KCTD16: variants seen among roughly 807,000 people sequenced by gnomAD.
KCTD16 encodes the protein potassium channel tetramerization domain containing 16.
Under a neutral mutation model 33.2 loss-of-function variants are expected in KCTD16, and 13 were observed. That is an observed-to-expected ratio of 0.39 (90% CI 0.25 to 0.62). The LOEUF (loss-of-function observed/expected upper bound fraction) is 0.62, where lower values mean the gene tolerates loss of function less well. Ranked by LOEUF, KCTD16 falls within the 20% of genes least tolerant of loss-of-function variation. The probability of loss-of-function intolerance (pLI) is 0.50; values close to 1 mark genes in which losing one functional copy is unlikely to be tolerated. For synonymous variants in KCTD16, 197 were observed against 195.3 expected, an observed-to-expected ratio of 1.01 and a Z score of -0.07; for missense variants, 441 against 525.1, an observed-to-expected ratio of 0.84 and a Z score of 1.57.
At chr5:144,193,975 CAG>C (rs1413050242) in intron 2 of KCTD16, among the ~76,000 whole-genome samples, 3 of 151,966 alleles carry the variant, frequency 2.0e-5, no homozygotes, top group Admixed American at 2.0e-4. Flanking sequence ...GAGTGGAAAA[CAG>C]ATATTTAGCT....
intron 3 of KCTD16, among the ~76,000 whole-genome samples, chr5:144,374,081 C>G (rs964864753): frequency 2.6e-5 from 4 of 152,166 alleles, no homozygotes; most frequent in Admixed American, 2.0e-4. Context: ...AGGAGAATAT[C>G]CCATTTCAAG....
chr5:144,279,531 A>C (rs539346543), intron 3 of KCTD16, among the ~76,000 whole-genome samples: 1 of 152,376 alleles, frequency 6.6e-6, no homozygotes, highest in Non-Finnish European at 1.5e-5. Context: ...TATAAGAAAC[A>C]GAAATTTCTT....
At chr5:144,445,088 T>C (rs781577021) in intron 3 of KCTD16, among the ~76,000 whole-genome samples, 16 of 151,714 alleles carry the variant, frequency 1.1e-4, no homozygotes, top group Non-Finnish European at 2.1e-4. Flanking sequence ...ACTCCTATTA[T>C]ATGTATGTGA....
chr5:144,321,192 T>A (rs781744692), intron 3 of KCTD16, among the ~76,000 whole-genome samples: 6 of 152,124 alleles, frequency 3.9e-5, no homozygotes, highest in African/African-American at 1.2e-4. Flanking sequence ...TGCTACTCTA[T>A]TGGGAAACCC....
In KCTD16 at chr5:144,207,002, G is replaced by T. The variant is rs1753196646; in HGVS notation, c.288G>T (p.Leu96=). 6.2e-7 allele frequency: 1 copy of T among 1,614,084 alleles called. No individual in the cohort carries two copies. The highest frequency in any genetic ancestry group is 8.5e-7 in the Non-Finnish European group (1 of 1,180,032). ...ATCTCAGGGACAGGCAGGTGGTCCTGCCTGATCACTTTCCAGAAAAAGGAA... is the reference window on the plus strand; with the variant it reads ...ATCTCAGGGACAGGCAGGTGGTCCTTCCTGATCACTTTCCAGAAAAAGGAA... The part of the protein sequence containing the change: ...LDYLRDRQVV[L]PDHFPEKGRL... Residue 96 remains leucine (L), a synonymous_variant, in exon 3 of 4, where the codon CTG becomes CTT. Coordinates refer to ENST00000512467, the MANE Select transcript of KCTD16 (RefSeq NM_020768.4).
chr5:144,246,370 G>T (rs1049557512), intron 3 of KCTD16, among the ~76,000 whole-genome samples: 1 of 152,068 alleles, frequency 6.6e-6, no homozygotes, highest in African/African-American at 2.4e-5. Context: ...AAGCCATTAG[G>T]ATACAAATAA....
intron 3 of KCTD16, among the ~76,000 whole-genome samples, chr5:144,447,204 G>A (rs1453519717): frequency 1.3e-5 from 2 of 152,026 alleles, no homozygotes; most frequent in Non-Finnish European, 2.9e-5. Flanking sequence ...TGGCACATAT[G>A]CACCATAGAA....
intron 3 of KCTD16, among the ~76,000 whole-genome samples, chr5:144,212,786 T>A (rs907061885): frequency 3.3e-5 from 5 of 152,012 alleles, no homozygotes; most frequent in African/African-American, 1.2e-4. Context: ...ATCAGTTAAT[T>A]TTTTTTTATT....
rs190989826 is a variant in KCTD16, at chr5:144,388,290, C to A, written c.833-85370C>A. 4.1e-3 allele frequency among the ~76,000 whole-genome samples: 624 copies of A among 151,898 alleles called. 25 individuals are homozygous for A. The highest frequency in any genetic ancestry group is 0.038 in the Admixed American group (574 of 15,266). On this transcript the variant is annotated intron_variant, in intron 3 of 3. Transcript: ENST00000512467. ...TAGAGACGGGGTTTCACCGTGTTAT[C>A]CAGGATGGTCTCGATCTACTGACCT...
At chr5:144,428,469 C>T (rs1753384770) in intron 3 of KCTD16, among the ~76,000 whole-genome samples, 1 of 152,208 alleles carries the variant, frequency 6.6e-6, no homozygotes, top group Middle Eastern at 3.4e-3. Flanking sequence ...CCAATTAGAC[C>T]TTGCTTCCTC....
intron 3 of KCTD16, among the ~76,000 whole-genome samples, chr5:144,362,531 A>G (rs1751737027): frequency 6.6e-6 from 1 of 152,148 alleles, no homozygotes; most frequent in South Asian, 2.1e-4. Context: ...AGGGCTTACT[A>G]TAACGTTTTA....
intron 2 of KCTD16, among the ~76,000 whole-genome samples, chr5:144,188,064 G>A (rs1216759137): frequency 6.6e-6 from 1 of 152,158 alleles, no homozygotes; most frequent in Non-Finnish European, 1.5e-5. Context: ...GGGTTGGCAA[G>A]AGGCTCTGAT....
chr5:144,449,227 AC>A (rs1393029943), intron 3 of KCTD16, among the ~76,000 whole-genome samples: 10 of 152,024 alleles, frequency 6.6e-5, no homozygotes, highest in Admixed American at 3.3e-4. Context: ...TACACTAAAA[AC>A]CAGAAAACGT....
At chr5:144,355,658 C>CT in intron 3 of KCTD16, among the ~76,000 whole-genome samples, 1 of 152,174 alleles carries the variant, frequency 6.6e-6, no homozygotes. Context: ...TTTTTCTTTT[C>CT]TTTTTTTAGC....
chr5:144,198,312 T>G (rs1443058189), intron 2 of KCTD16, among the ~76,000 whole-genome samples: 1 of 152,226 alleles, frequency 6.6e-6, no homozygotes, highest in Non-Finnish European at 1.5e-5. Flanking sequence ...TTGTGCTACC[T>G]GCTTGAGGGT....
At chr5:144,388,665 T>C (rs752359468) in intron 3 of KCTD16, among the ~76,000 whole-genome samples, 3 of 152,178 alleles carry the variant, frequency 2.0e-5, no homozygotes, top group Admixed American at 6.5e-5. Context: ...CTTTATGATT[T>C]GGGATAGAAA....
At chr5:144,408,184 A>G (rs949861460) in intron 3 of KCTD16, among the ~76,000 whole-genome samples, 1 of 152,230 alleles carries the variant, frequency 6.6e-6, no homozygotes, top group South Asian at 2.1e-4. Context: ...TAAGATCTCA[A>G]TTACTTTCTA....
chr5:144,343,941 C>T (rs1752714071), intron 3 of KCTD16, among the ~76,000 whole-genome samples: 1 of 152,090 alleles, frequency 6.6e-6, no homozygotes, highest in African/African-American at 2.4e-5. Context: ...AGGCATCACG[C>T]TACCTGACTT....
rs141348212 is a variant in KCTD16, at chr5:144,179,031, G to A, written c.-327+4559G>A. ...CTGGCTACACATATTAAGAATTAAA[G>A]AGAATTAAAACTGGCAGGAACCTTG... On this transcript the variant is annotated intron_variant, in intron 2 of 3. Coordinates refer to ENST00000512467, the MANE Select transcript of KCTD16 (RefSeq NM_020768.4). Among the ~76,000 whole-genome samples, 3 of 152,328 alleles carry A rather than the reference G, an allele frequency of 2.0e-5. No individual in the cohort carries two copies. In the East Asian group the frequency reaches 5.8e-4, roughly 29 times the overall value.
Sources: gnomAD v4.1 joint callset for allele counts (sites outside exome capture counted in the v4.1 genomes callset) on GRCh38, gnomAD v4.1.1 for gene constraint, MANE v1.5 for transcripts, NCBI Gene and HGNC (gene_info 2026-07-23, HGNC 2026-07-21) for gene names.